The following COL4A1 variants were observed in gnomAD, a reference collection of about 807,000 sequenced individuals.
COL4A1 encodes collagen alpha-1(IV) chain.
A neutral mutation model predicts 216.6 loss-of-function variants in COL4A1; 40 were observed. The ratio of observed to expected loss-of-function variants is 0.18; its 90% confidence interval spans 0.14 to 0.24. The LOEUF (loss-of-function observed/expected upper bound fraction) is 0.24. Ranked by LOEUF, COL4A1 falls within the 10% of genes least tolerant of loss-of-function variation. The probability of loss-of-function intolerance (pLI) is 1.00; values close to 1 mark genes in which losing one functional copy is unlikely to be tolerated. For synonymous variants in COL4A1, 839 were observed against 810.7 expected, an observed-to-expected ratio of 1.03 and a Z score of -0.59; for missense variants, 1,628 against 2,196.8, an observed-to-expected ratio of 0.74 and a Z score of 5.18.
intron 1 of COL4A1, among the ~76,000 whole-genome samples, chr13:110,271,864 G>A (rs761119681): frequency 9.2e-5 from 14 of 152,116 alleles, no homozygotes; most frequent in South Asian, 2.1e-4. Context: ...AAAGATATAC[G>A]GGAATACTTT....
intron 1 of COL4A1, among the ~76,000 whole-genome samples, chr13:110,274,546 G>T (rs1883363394): frequency 6.6e-6 from 1 of 152,258 alleles, no homozygotes; most frequent in South Asian, 2.1e-4. Flanking sequence ...GGTGGGGTCA[G>T]CATCATCTAT....
intron 1 of COL4A1, among the ~76,000 whole-genome samples, chr13:110,284,581 A>G (rs550729584): frequency 3.6e-4 from 55 of 152,336 alleles, no homozygotes; most frequent in African/African-American, 1.3e-3. Context: ...AAACACATGG[A>G]GAAGTAGCAC....
chr13:110,167,229 C>G lies in COL4A1; in HGVS notation c.3878G>C (p.Gly1293Ala), dbSNP rs1241839114. Reference sequence around the variant, plus strand: ...TGTGATTCCTGGAGAGCCACCAATACCCTAGACACGCAAAGAGGAGGTTGG... The same window carrying G: ...TGTGATTCCTGGAGAGCCACCAATAGCCTAGACACGCAAAGAGGAGGTTGG... ...KGDPGFQGMP[G>A]IGGSPGITGS... Residue 1293 changes from glycine to alanine, a missense_variant and splice_region_variant, in exon 44 of 52, where the codon GGT (glycine) becomes GCT (alanine). Physicochemically the swap from Gly to Ala is moderately conservative, Grantham distance 60 (BLOSUM62 0). Coordinates refer to ENST00000375820, the MANE Select transcript of COL4A1 (RefSeq NM_001845.6). The G allele has an allele frequency of 6.2e-7, 1 of 1,612,550 alleles. No homozygotes were observed.
At chr13:110,253,389 C>A (rs59723099) in intron 1 of COL4A1, among the ~76,000 whole-genome samples, 1 of 22,488 alleles carries the variant, frequency 4.4e-5, no homozygotes, top group South Asian at 1.4e-3. Context: ...ATATGTATTA[C>A]ATATACATAT....
At chr13:110,197,826 A>T (rs570175541) in intron 21 of COL4A1, among the ~76,000 whole-genome samples, 19 of 152,328 alleles carry the variant, frequency 1.2e-4, no homozygotes, top group African/African-American at 3.8e-4. Context: ...CACAGAGCAC[A>T]CGTTGGTTTT....
At position 110,194,936 on chromosome 13, in the gene COL4A1, C is replaced by T. The variant is rs111757791; in HGVS notation, c.1381+87G>A. On this transcript the variant is annotated intron_variant, in intron 22 of 51. Transcript: ENST00000375820. ...ACCTACGCCCTAACTCTGCCCACCC[C>T]CACTTGGCTCCAAAGCCGGTAAGTA... 7.1e-3 allele frequency: 7,758 copies of T among 1,099,260 alleles called. 283 individuals carry two copies. The African/African-American group carries it at 0.088, about 12-fold the overall frequency. The allele number at this position is 1,099,260 out of a possible 1,614,324, so 68.1% of individuals were successfully genotyped here.
chr13:110,183,464 C>T (rs1048383513), intron 26 of COL4A1, among the ~76,000 whole-genome samples, 188 bp from the exon 27 acceptor site: 1 of 152,164 alleles, frequency 6.6e-6, no homozygotes, highest in African/African-American at 2.4e-5. Flanking sequence ...CAGAGAGCTA[C>T]GCTTCTCCCC....
At chr13:110,295,694 G>A (rs1210315440) in intron 1 of COL4A1, among the ~76,000 whole-genome samples, 1 of 152,118 alleles carries the variant, frequency 6.6e-6, no homozygotes, top group African/African-American at 2.4e-5. Context: ...TTAAAGTGCT[G>A]GGATTACAGG....
At chr13:110,227,577 G>C (rs1880801416) in intron 2 of COL4A1, among the ~76,000 whole-genome samples, 1 of 152,072 alleles carries the variant, frequency 6.6e-6, no homozygotes, top group African/African-American at 2.4e-5. Flanking sequence ...CTGAGGTCTG[G>C]GACACATCAC....
At chr13:110,193,048 C>T in intron 22 of COL4A1, 135 bp from the exon 23 acceptor site, 1 of 771,356 alleles carries the variant, frequency 1.3e-6, no homozygotes, top group African/African-American at 1.7e-5. Flanking sequence ...GTGGCAATGG[C>T]TCCTCCAGAC....
chr13:110,170,780 C>G (rs1877604936), intron 41 of COL4A1, 48 bp from the exon 42 acceptor site: 1 of 1,596,920 alleles, frequency 6.3e-7, no homozygotes, highest in Non-Finnish European at 8.6e-7. Flanking sequence ...AGCAGCAGAA[C>G]AGTAATCTCC....
intron 2 of COL4A1, among the ~76,000 whole-genome samples, chr13:110,215,346 G>A (rs987926668): frequency 9.9e-5 from 15 of 152,116 alleles, no homozygotes; most frequent in Non-Finnish European, 1.9e-4. Context: ...GATCACCAGA[G>A]GTCAGGAGTT....
intron 1 of COL4A1, among the ~76,000 whole-genome samples, chr13:110,296,431 T>A (rs1302897976): frequency 3.9e-5 from 6 of 152,206 alleles, no homozygotes; most frequent in Admixed American, 1.3e-4. Context: ...GAAAGATACT[T>A]CATAGTTTTA....
In COL4A1 at chr13:110,211,470, C is replaced by A. The variant is rs1189172738; in HGVS notation, c.468+177G>T. Among the ~76,000 whole-genome samples the A allele has an allele frequency of 1.3e-5, 2 of 152,158 alleles. No homozygotes were observed. The highest frequency in any genetic ancestry group is 4.8e-5 in the African/African-American group (2 of 41,444). On this transcript the variant is annotated intron_variant, in intron 8 of 51. Coordinates refer to ENST00000375820, the MANE Select transcript of COL4A1 (RefSeq NM_001845.6). This position sits in a 1 kb window ranked among gnomAD's most constrained non-coding sequence, Gnocchi z 4.3. ...GTGCCAAGTGTCTGAACGTTAGAGT[C>A]TGAGATCTGAGTTTGTGGGTTACTT...
At chr13:110,217,772 T>C (rs542225895) in intron 2 of COL4A1, among the ~76,000 whole-genome samples, 7 of 152,106 alleles carry the variant, frequency 4.6e-5, no homozygotes, top group Non-Finnish European at 7.4e-5. Context: ...CAAAGTGCCA[T>C]TGTCTATAAA....
At chr13:110,297,234 C>T (rs1158534462) in intron 1 of COL4A1, among the ~76,000 whole-genome samples, 3 of 152,190 alleles carry the variant, frequency 2.0e-5, no homozygotes, top group Admixed American at 2.0e-4. Context: ...GTGGGGGGGC[C>T]AGCCACCAGT....
intron 24 of COL4A1, chr13:110,191,081 A>G (rs1396205845): frequency 6.6e-6 from 1 of 152,282 alleles, no homozygotes; most frequent in Non-Finnish European, 1.5e-5. Context: ...CTACCCAGTT[A>G]TTTGAACTTC....
intron 2 of COL4A1, among the ~76,000 whole-genome samples, chr13:110,239,010 T>C (rs1194562887): frequency 1.3e-5 from 2 of 152,178 alleles, no homozygotes; most frequent in Admixed American, 6.5e-5. Flanking sequence ...AGAGCCACTG[T>C]GTGCAAGGCC....
intron 1 of COL4A1, among the ~76,000 whole-genome samples, chr13:110,258,263 C>T (rs765736581): frequency 3.3e-4 from 50 of 152,352 alleles, no homozygotes; most frequent in Non-Finnish European, 6.2e-4. Context: ...TTTAAGCCGG[C>T]GCAGTGGCTC....
Sources: allele counts gnomAD v4.1 joint callset (sites outside exome capture counted in the v4.1 genomes callset), GRCh38; gene constraint gnomAD v4.1.1; non-coding constraint Gnocchi (gnomAD v3.1); transcripts MANE v1.5; gene names NCBI Gene and HGNC (gene_info 2026-07-23, HGNC 2026-07-21).